Variants in LPO observed in about 807,000 individuals in gnomAD.
The protein encoded by LPO is salivary peroxidase.
A neutral mutation model predicts 68.4 loss-of-function variants in LPO; 70 were observed. That is an observed-to-expected ratio of 1.02 (90% CI 0.84 to 1.25). The LOEUF (loss-of-function observed/expected upper bound fraction) is 1.25. Among genes scored for constraint, LPO ranks in the 50% most tolerant of loss-of-function variants. The probability of loss-of-function intolerance (pLI) is 0.00; values close to 1 mark genes in which losing one functional copy is unlikely to be tolerated. For missense variants in LPO, 873 were observed against 908.4 expected (o/e 0.96, Z 0.50); for synonymous variants, 360 against 357.6 (o/e 1.01, Z -0.08).
intron 3 of LPO, 69 bp from the exon 4 acceptor site, chr17:58,247,409 C>A (rs1210708483): frequency 1.1e-5 from 15 of 1,409,270 alleles, no homozygotes; most frequent in Admixed American, 1.9e-5. Context: ...ACCCCTCCCA[C>A]CCCTCCAGCG....
chr17:58,255,224 T>C (rs759303994), intron 9 of LPO, among the ~76,000 whole-genome samples: 3 of 152,228 alleles, frequency 2.0e-5, no homozygotes, highest in Non-Finnish European at 4.4e-5. Context: ...GTCCCTTCAG[T>C]GTGCCTGCCT....
Position 58,267,573 on chromosome 17 carries a change from C to G in LPO, c.1918C>G (p.Arg640Gly). The G allele has an allele frequency of 6.2e-7, 1 of 1,609,260 alleles. No individual in the cohort carries two copies. Among genetic ancestry groups the G allele is most frequent in the Non-Finnish European group, 8.5e-7 (1 of 1,176,742 alleles). ...CLLGKQFQQI[R>G]DGDRFWWENP... ...CTTGGGCAAGCAGTTCCAGCAGATCCGTGATGGAGACAGGCAAGTGCGTCC... is the reference window on the plus strand; with the variant it reads ...CTTGGGCAAGCAGTTCCAGCAGATCGGTGATGGAGACAGGCAAGTGCGTCC... Residue 640 changes from arginine (R) to glycine (G), a missense_variant, in exon 12 of 13, where the codon CGT becomes GGT. By Grantham distance (125) the Arg-to-Gly change is moderately radical. Transcript: ENST00000262290.
At chr17:58,259,997 T>C (rs1970145907) in intron 9 of LPO, among the ~76,000 whole-genome samples, 1 of 152,150 alleles carries the variant, frequency 6.6e-6, no homozygotes. Context: ...TGTATTTTAG[T>C]AGAGACAGAG....
At chr17:58,240,326 C>T (rs1969731650) in intron 1 of LPO, among the ~76,000 whole-genome samples, 2 of 152,188 alleles carry the variant, frequency 1.3e-5, no homozygotes, top group South Asian at 4.1e-4. Flanking sequence ...AGGCTCCAGG[C>T]TTTGCTGCAA....
Position 58,251,674 on chromosome 17 carries a change from C to T in LPO, c.781-508C>T, listed in dbSNP as rs1969961320. 4 of 353,778 alleles carry T rather than the reference C, an allele frequency of 1.1e-5. 1 individual carries two copies. The highest frequency in any genetic ancestry group is 8.7e-5 in the South Asian group (4 of 45,976). 21.9% of individuals were successfully genotyped at this position (353,778 alleles called of 1,614,324 possible). Reference sequence around the variant, plus strand: ...ATCTGAATCCTACATCTTTCCCTTCCAGTGTATAAGTTCTTAGGCAACTTA... The same window carrying T: ...ATCTGAATCCTACATCTTTCCCTTCTAGTGTATAAGTTCTTAGGCAACTTA... On this transcript the variant is annotated intron_variant, in intron 7 of 12. Transcript: ENST00000262290.
intron 3 of LPO, 55 bp from the exon 4 acceptor site, chr17:58,247,423 C>T: frequency 4.5e-6 from 7 of 1,567,852 alleles, no homozygotes; most frequent in Non-Finnish European, 6.1e-6. Flanking sequence ...TCCAGCGGCC[C>T]CCAGCCCCCT....
intron 5 of LPO, 22 bp from the exon 6 acceptor site, chr17:58,249,544 G>A (rs1171685024): frequency 1.2e-6 from 2 of 1,601,536 alleles, no homozygotes; most frequent in Non-Finnish European, 1.7e-6. Context: ...CCGAAGCTCA[G>A]CGAGGATCGT....
rs754670842 is a variant in LPO, at chr17:58,267,619, AGGG to A, written c.1931+34_1931+36del. On this transcript the variant is annotated intron_variant, in intron 12 of 12. Transcript: ENST00000262290. ...CGTCCTCAGCCAGGGAGGGAAGGGC[AGGG>A]CCCTTCTCCAAGAGGGGTGTCCCAA... The A allele has an allele frequency of 1.9e-6, 3 of 1,558,658 alleles. No individual in the cohort carries two copies. In the South Asian group the frequency reaches 3.5e-5, roughly 18 times the overall value.
At chr17:58,267,285 GC>G in intron 11 of LPO, 63 bp from the exon 12 acceptor site, 2 of 1,284,364 alleles carry the variant, frequency 1.6e-6, no homozygotes, top group Non-Finnish European at 2.2e-6. Context: ...AGTGGACATG[GC>G]CCCAAAGGAG....
intron 3 of LPO, among the ~76,000 whole-genome samples, chr17:58,244,749 C>T (rs1969823348): frequency 6.6e-6 from 1 of 152,172 alleles, no homozygotes. Context: ...TTCCCGGGCA[C>T]CCCCAGCCAG....
At chr17:58,249,305 C>A (rs1598022773) in intron 5 of LPO, 128 bp downstream of exon 5, 1 of 903,968 alleles carries the variant, frequency 1.1e-6, no homozygotes, top group Non-Finnish European at 1.7e-6. Context: ...GCGTTCCCAC[C>A]TTCCCCACCT....
At chr17:58,243,633 TC>T (rs1042511893) in intron 2 of LPO, 11 of 318,158 alleles carry the variant, frequency 3.5e-5, no homozygotes, top group Non-Finnish European at 4.7e-5. Context: ...GATCAGTGGG[TC>T]CTCTTTGATG....
At chr17:58,247,435 C>T (rs757386958) in intron 3 of LPO, 43 bp from the exon 4 acceptor site, 1 of 1,455,282 alleles carries the variant, frequency 6.9e-7, no homozygotes, top group Admixed American at 1.8e-5. Context: ...CAGCCCCCTT[C>T]CTACAGGGTC....
chr17:58,255,889 G>C (rs1970061405), intron 9 of LPO, among the ~76,000 whole-genome samples: 1 of 152,112 alleles, frequency 6.6e-6, no homozygotes, highest in South Asian at 2.1e-4. Context: ...GTGTGTATGT[G>C]TCTGCATAGC....
chr17:58,241,972 G>C (rs922498199), intron 1 of LPO, among the ~76,000 whole-genome samples: 1 of 152,136 alleles, frequency 6.6e-6, no homozygotes, highest in Non-Finnish European at 1.5e-5. Context: ...AGACATGGCT[G>C]GGGGGCAACC....
At position 58,247,558 on chromosome 17, in the gene LPO, G is replaced by C. The variant is rs765461792; in HGVS notation, c.245G>C (p.Arg82Pro). ...EYLKHAKGRT[R>P]TAIRNGQVWE... ...CTCAAGCATGCCAAAGGCCGGACGC[G>C]CACAGCCATCCGCAATGGACAGGTG... Residue 82 changes from arginine to proline, a missense_variant, in exon 4 of 13, where the codon CGC becomes CCC. Coordinates refer to ENST00000262290, the MANE Select transcript of LPO (RefSeq NM_006151.3). 1 of 1,614,166 alleles carries C rather than the reference G, an allele frequency of 6.2e-7. No homozygotes were observed. Among genetic ancestry groups the C allele is most frequent in the East Asian group, 2.2e-5 (1 of 44,882 alleles).
intron 3 of LPO, among the ~76,000 whole-genome samples, chr17:58,247,229 C>A (rs1969867289): frequency 6.6e-6 from 1 of 152,222 alleles, no homozygotes; most frequent in Non-Finnish European, 1.5e-5. Context: ...CCAACACAGT[C>A]ATCACTAACC....
intron 11 of LPO, 125 bp from the exon 12 acceptor site, chr17:58,267,224 T>C: frequency 1.5e-6 from 1 of 668,804 alleles, no homozygotes; most frequent in East Asian, 2.7e-5. Context: ...ATTCCCTCCT[T>C]CCCCATCCCA....
At chr17:58,262,372 G>T (rs1033255551) in intron 9 of LPO, among the ~76,000 whole-genome samples, 1 of 152,070 alleles carries the variant, frequency 6.6e-6, no homozygotes, top group Non-Finnish European at 1.5e-5. Context: ...GAGCTTCACC[G>T]ATATTTTGTT....
Sources: gnomAD v4.1 joint callset for allele counts (sites outside exome capture counted in the v4.1 genomes callset) on GRCh38, gnomAD v4.1.1 for gene constraint, MANE v1.5 for transcripts, NCBI Gene and HGNC (gene_info 2026-07-23, HGNC 2026-07-21) for gene names.